Variants in KHDRBS2 observed in about 807,000 individuals in gnomAD.
KHDRBS2 encodes KH RNA binding domain containing, signal transduction associated 2, also known as KH domain-containing, RNA-binding, signal transduction-associated protein 2.
A neutral mutation model predicts 44.3 loss-of-function variants in KHDRBS2; 26 were observed. The ratio of observed to expected loss-of-function variants is 0.59; its 90% CI spans 0.43 to 0.81. KHDRBS2 has a LOEUF of 0.81. Ranked by LOEUF, KHDRBS2 falls within the 40% of genes least tolerant of loss-of-function variation. The pLI is 0.00. For missense variants in KHDRBS2, 476 were observed against 433.1 expected (o/e 1.10, Z -0.88); for synonymous variants, 194 against 151.1 (o/e 1.28, Z -2.08).
chr6:61,606,715 T>C, the KHDRBS2 span, among the ~76,000 whole-genome samples: 1 of 152,134 alleles, frequency 6.6e-6, no homozygotes, highest in African/African-American at 2.4e-5. Context: ...AAAGAATAGT[T>C]GGAAGACTGG....
chr6:61,561,963 T>C, the KHDRBS2 span, among the ~76,000 whole-genome samples: 1 of 152,178 alleles, frequency 6.6e-6, no homozygotes, highest in African/African-American at 2.4e-5. Flanking sequence ...CAGTTATTTC[T>C]TGGCTGCTTC....
At chr6:62,037,354 C>G (rs1241413618) in intron 3 of KHDRBS2, among the ~76,000 whole-genome samples, 3 of 150,850 alleles carry the variant, frequency 2.0e-5, no homozygotes, top group Non-Finnish European at 4.4e-5. Context: ...GACGGTGTTG[C>G]TGAGAAAACA....
chr6:62,200,919 G>C (rs1455551293), intron 1 of KHDRBS2, among the ~76,000 whole-genome samples: 1 of 152,112 alleles, frequency 6.6e-6, no homozygotes, highest in Non-Finnish European at 1.5e-5. Context: ...AAAATGATGA[G>C]TTCATGTTCT....
intron 7 of KHDRBS2, among the ~76,000 whole-genome samples, chr6:61,708,844 C>T (rs930074604): frequency 2.0e-5 from 3 of 151,658 alleles, no homozygotes; most frequent in Non-Finnish European, 3.0e-5. Context: ...AGACCATAGT[C>T]TCATGATGGA....
intron 6 of KHDRBS2, among the ~76,000 whole-genome samples, chr6:61,769,895 G>C (rs1292258732): frequency 6.6e-6 from 1 of 152,196 alleles, no homozygotes; most frequent in Admixed American, 6.5e-5. Flanking sequence ...CTCCTCAAGT[G>C]GGTCCCTGAC....
chr6:62,120,859 T>G (rs552735629), intron 2 of KHDRBS2, among the ~76,000 whole-genome samples: 3 of 152,102 alleles, frequency 2.0e-5, no homozygotes, highest in Non-Finnish European at 4.4e-5. Flanking sequence ...ACCAACAAAT[T>G]ATGATGTTAA....
chr6:61,880,761 C>T (rs1163735841), intron 6 of KHDRBS2, among the ~76,000 whole-genome samples: 5 of 151,934 alleles, frequency 3.3e-5, no homozygotes, highest in Admixed American at 2.0e-4. Flanking sequence ...AACTATACTC[C>T]TGTCTTCACA....
intron 2 of KHDRBS2, among the ~76,000 whole-genome samples, chr6:62,051,357 C>A (rs9354583): frequency 0.24 from 35,929 of 151,810 alleles, 5,202 homozygotes; most frequent in East Asian, 0.41. Flanking sequence ...TAGGTCTCAT[C>A]CGTTTTGGGT....
the KHDRBS2 span, among the ~76,000 whole-genome samples, chr6:61,592,895 G>A: frequency 6.6e-6 from 1 of 152,132 alleles, no homozygotes; most frequent in African/African-American, 2.4e-5. Flanking sequence ...AAATAGTTGA[G>A]TCTCATTCCA....
At chr6:62,012,253 T>C (rs1780440151) in intron 3 of KHDRBS2, among the ~76,000 whole-genome samples, 1 of 152,180 alleles carries the variant, frequency 6.6e-6, no homozygotes, top group African/African-American at 2.4e-5. Flanking sequence ...CAGTAAGTCC[T>C]GCAGATTCTG....
chr6:62,227,735 C>T (rs779127927), intron 1 of KHDRBS2, among the ~76,000 whole-genome samples: 4 of 151,976 alleles, frequency 2.6e-5, no homozygotes, highest in African/African-American at 7.3e-5. Flanking sequence ...TAACAAGAAG[C>T]GATGTTGAAT....
At chr6:61,562,129 G>T in the KHDRBS2 span, among the ~76,000 whole-genome samples, 13 of 152,172 alleles carry the variant, frequency 8.5e-5, no homozygotes, top group Middle Eastern at 3.4e-3. Context: ...AATTTTTCTT[G>T]CATATATGTA....
intron 1 of KHDRBS2, among the ~76,000 whole-genome samples, chr6:62,209,807 T>C (rs1238988761): frequency 6.6e-6 from 1 of 152,212 alleles, no homozygotes; most frequent in African/African-American, 2.4e-5. Flanking sequence ...CTGTGCATGA[T>C]GCTTCCTGCC....
intron 2 of KHDRBS2, among the ~76,000 whole-genome samples, chr6:62,156,678 C>T (rs1034462331): frequency 1.3e-5 from 2 of 151,960 alleles, no homozygotes; most frequent in East Asian, 1.9e-4. Flanking sequence ...GAGACGGAGT[C>T]TCGCTCTGTC....
At chr6:62,045,058 C>T (rs552433104) in intron 3 of KHDRBS2, among the ~76,000 whole-genome samples, 1 of 151,884 alleles carries the variant, frequency 6.6e-6, no homozygotes, top group South Asian at 2.1e-4. Flanking sequence ...GTTCAGAGCA[C>T]ATTGGTGCTA....
At chr6:62,128,498 C>T (rs1348062851) in intron 2 of KHDRBS2, among the ~76,000 whole-genome samples, 1 of 151,948 alleles carries the variant, frequency 6.6e-6, no homozygotes, top group Non-Finnish European at 1.5e-5. Context: ...AGGAATGAGA[C>T]ACCATTTAAG....
intron 2 of KHDRBS2, among the ~76,000 whole-genome samples, chr6:62,160,961 G>A (rs1307308998): frequency 1.3e-5 from 2 of 152,012 alleles, no homozygotes; most frequent in Non-Finnish European, 2.9e-5. Flanking sequence ...TATATCCACT[G>A]AACAATAACT....
intron 1 of KHDRBS2, among the ~76,000 whole-genome samples, chr6:62,256,862 T>C (rs1292093823): frequency 2.6e-5 from 4 of 152,046 alleles, no homozygotes; most frequent in Non-Finnish European, 1.5e-5. Flanking sequence ...TAGTTACCTA[T>C]ATTCCTTAAT....
chr6:61,816,186 T>C (rs7758582), intron 6 of KHDRBS2, among the ~76,000 whole-genome samples: 23,364 of 152,138 alleles, frequency 0.15, 2,292 homozygotes, highest in East Asian at 0.29. Context: ...TTAAATTGTG[T>C]CCCCAAAAAG....
Sources: gnomAD v4.1 joint callset for allele counts (sites outside exome capture counted in the v4.1 genomes callset) on GRCh38, gnomAD v4.1.1 for gene constraint, MANE v1.5 for transcripts, NCBI Gene and HGNC (gene_info 2026-07-23, HGNC 2026-07-21) for gene names.